Variants in CNTN1 observed in about 807,000 individuals in gnomAD.
The protein encoded by CNTN1 is contactin 1, also known as contactin-1.
Under a neutral mutation model 126.4 loss-of-function variants are expected in CNTN1, and 38 were observed. That is an observed-to-expected ratio of 0.30 (90% confidence interval 0.23 to 0.39). The LOEUF is 0.39. Ranked by LOEUF, CNTN1 falls within the 10% of genes least tolerant of loss-of-function variation. The pLI is 1.00. For missense variants in CNTN1, 1,009 were observed against 1,248.4 expected (o/e 0.81, Z 2.89); for synonymous variants, 413 against 422.6 (o/e 0.98, Z 0.28).
At chr12:40,970,957 TA>T (rs1267346001) in intron 15 of CNTN1, among the ~76,000 whole-genome samples, 1 of 152,174 alleles carries the variant, frequency 6.6e-6, no homozygotes, top group Non-Finnish European at 1.5e-5. Context: ...TATATCGACA[TA>T]AGAAATAAAT....
At chr12:41,048,329 C>A (rs188754975) in intron 23 of CNTN1, among the ~76,000 whole-genome samples, 1 of 152,144 alleles carries the variant, frequency 6.6e-6, no homozygotes, top group Admixed American at 6.6e-5. Flanking sequence ...TTCTTTTTTT[C>A]TTTCCTTTAA....
chr12:40,828,798 A>G (rs751308333), intron 1 of CNTN1, among the ~76,000 whole-genome samples: 10 of 152,208 alleles, frequency 6.6e-5, no homozygotes, highest in Non-Finnish European at 1.3e-4. Flanking sequence ...AGCAGATGGA[A>G]TTAAAACAAT....
intron 1 of CNTN1, among the ~76,000 whole-genome samples, chr12:40,837,343 C>T (rs1942098050): frequency 6.6e-6 from 1 of 152,134 alleles, no homozygotes; most frequent in South Asian, 2.1e-4. Flanking sequence ...AGTCTGCCTG[C>T]CCAGAATCAG....
intron 1 of CNTN1, among the ~76,000 whole-genome samples, chr12:40,720,106 C>T (rs1004332951): frequency 2.8e-4 from 33 of 116,160 alleles, no homozygotes; most frequent in Middle Eastern, 3.6e-3. Context: ...CTGCCTTGGC[C>T]TCCCAAAGTG....
intron 14 of CNTN1, among the ~76,000 whole-genome samples, chr12:40,956,484 T>A (rs1946884542): frequency 1.3e-5 from 2 of 152,046 alleles, no homozygotes; most frequent in Non-Finnish European, 2.9e-5. Context: ...GAGAAAATGA[T>A]TTCAACTGGT....
intron 1 of CNTN1, among the ~76,000 whole-genome samples, chr12:40,776,755 T>C (rs752012403): frequency 8.6e-4 from 131 of 151,908 alleles, no homozygotes; most frequent in Non-Finnish European, 1.7e-3. Flanking sequence ...CAGTTACTCT[T>C]GAATTGCCAG....
intron 4 of CNTN1, among the ~76,000 whole-genome samples, chr12:40,920,511 G>T (rs778957165): frequency 6.6e-6 from 1 of 151,942 alleles, no homozygotes; most frequent in Non-Finnish European, 1.5e-5. Context: ...AAAAAAAAGT[G>T]GGGGGAAAGA....
At chr12:40,771,607 G>A (rs1198055294) in intron 1 of CNTN1, among the ~76,000 whole-genome samples, 2 of 151,902 alleles carry the variant, frequency 1.3e-5, no homozygotes, top group South Asian at 2.1e-4. Flanking sequence ...AAATAAGTGG[G>A]AAAGATATGT....
chr12:40,909,948 A>G, intron 2 of CNTN1, 125 bp from the exon 3 acceptor site: 3 of 713,344 alleles, frequency 4.2e-6, no homozygotes, highest in East Asian at 5.1e-5. Flanking sequence ...AGATACTTCA[A>G]CCTTTATAGT....
chr12:40,741,670 G>A (rs1216113207), intron 1 of CNTN1, among the ~76,000 whole-genome samples: 1 of 152,026 alleles, frequency 6.6e-6, no homozygotes, highest in Non-Finnish European at 1.5e-5. Flanking sequence ...GATGAAATGT[G>A]ACATTGAGTT....
intron 1 of CNTN1, among the ~76,000 whole-genome samples, chr12:40,874,424 G>A (rs1207665435): frequency 6.6e-6 from 1 of 152,130 alleles, no homozygotes; most frequent in Non-Finnish European, 1.5e-5. Context: ...TTGTAGCTCA[G>A]TATTTATCCT....
intron 17 of CNTN1, among the ~76,000 whole-genome samples, chr12:40,999,787 C>G (rs1400797912): frequency 1.4e-5 from 2 of 144,430 alleles, no homozygotes; most frequent in Non-Finnish European, 1.5e-5. Flanking sequence ...ACAGCAAGCT[C>G]TGCCTCCCAG....
chr12:41,066,029 CA>C (rs1207416493), intron 23 of CNTN1, among the ~76,000 whole-genome samples: 1 of 152,150 alleles, frequency 6.6e-6, no homozygotes, highest in Non-Finnish European at 1.5e-5. Context: ...ATATATTAGG[CA>C]CACCTCTAGG....
chr12:40,816,930 G>A (rs1941274287), intron 1 of CNTN1, among the ~76,000 whole-genome samples: 1 of 152,166 alleles, frequency 6.6e-6, no homozygotes, highest in Non-Finnish European at 1.5e-5. Flanking sequence ...GGAGCAGGTT[G>A]TTCAACTCCC....
intron 1 of CNTN1, among the ~76,000 whole-genome samples, chr12:40,789,075 A>G (rs1469729685): frequency 1.3e-5 from 2 of 152,162 alleles, no homozygotes; most frequent in African/African-American, 4.8e-5. Context: ...CCTTGCAGTT[A>G]CATATTAATT....
At chr12:40,864,915 A>G (rs2136653814) in intron 1 of CNTN1, among the ~76,000 whole-genome samples, 1 of 152,138 alleles carries the variant, frequency 6.6e-6, no homozygotes, top group East Asian at 1.9e-4. Context: ...GTTACCACCA[A>G]ACTGTTTTCC....
intron 1 of CNTN1, among the ~76,000 whole-genome samples, chr12:40,783,847 A>G (rs1396315936): frequency 6.6e-6 from 1 of 152,164 alleles, no homozygotes; most frequent in Non-Finnish European, 1.5e-5. Flanking sequence ...TTTTCTTAAC[A>G]TTAGTAAATA....
intron 1 of CNTN1, among the ~76,000 whole-genome samples, chr12:40,844,511 C>T (rs1942428351): frequency 6.6e-6 from 1 of 151,916 alleles, no homozygotes; most frequent in African/African-American, 2.4e-5. Context: ...TTAAATTGAA[C>T]CTAAAAAAAT....
chr12:40,974,952 GAAC>G (rs990613845), intron 15 of CNTN1, among the ~76,000 whole-genome samples: 6 of 152,014 alleles, frequency 3.9e-5, no homozygotes, highest in African/African-American at 1.4e-4. Context: ...AGTCCAAAGA[GAAC>G]AATAGTGTAG....
Sources: allele counts gnomAD v4.1 joint callset (sites outside exome capture counted in the v4.1 genomes callset), GRCh38; gene constraint gnomAD v4.1.1; transcripts MANE v1.5; gene names NCBI Gene and HGNC (gene_info 2026-07-23, HGNC 2026-07-21).